Variants in FOXN3 observed in about 807,000 individuals in gnomAD.
The protein encoded by FOXN3 is forkhead box protein N3.
In FOXN3, 7 loss-of-function variants were observed where a neutral mutation model predicts 38.4. The ratio of observed to expected loss-of-function variants is 0.18; its 90% CI spans 0.10 to 0.34. The LOEUF (loss-of-function observed/expected upper bound fraction) is 0.34. Ranked by LOEUF, FOXN3 falls within the 10% of genes least tolerant of loss-of-function variation. The pLI is 1.00. For synonymous variants in FOXN3, 230 were observed against 242.2 expected (o/e 0.95, Z 0.47); for missense variants, 456 against 613.4 (o/e 0.74, Z 2.71).
chr14:89,295,742 C>T (rs573215337), intron 3 of FOXN3, among the ~76,000 whole-genome samples: 55 of 150,902 alleles, frequency 3.6e-4, no homozygotes, highest in South Asian at 2.1e-4. Context: ...TACATGCCAC[C>T]ATGCCTGGCT....
intron 3 of FOXN3, chr14:89,291,613 G>T: frequency 2.0e-6 from 1 of 509,172 alleles, no homozygotes; most frequent in Non-Finnish European, 3.8e-6. Flanking sequence ...GCTGCCCTGG[G>T]GTCCTGTCTT....
At chr14:89,413,350 C>T (rs1295491319) in intron 1 of FOXN3, among the ~76,000 whole-genome samples, 1 of 152,134 alleles carries the variant, frequency 6.6e-6, no homozygotes, top group Admixed American at 6.5e-5. Flanking sequence ...AACAAATGAA[C>T]AGGCTGGGCA....
At chr14:89,521,354 T>TAGATAG (rs1596306375) in intron 1 of FOXN3, among the ~76,000 whole-genome samples, 1 of 92,324 alleles carries the variant, frequency 1.1e-5, no homozygotes, top group East Asian at 2.6e-4. Flanking sequence ...TCATAGATGA[T>TAGATAG]AGATAGAGAG....
intron 1 of FOXN3, among the ~76,000 whole-genome samples, chr14:89,536,386 A>T (rs1894687525): frequency 6.6e-6 from 1 of 152,236 alleles, no homozygotes; most frequent in Non-Finnish European, 1.5e-5. Context: ...AGCTATTTTA[A>T]TAGCATTTCA....
At chr14:89,181,442 G>A (rs762115312) in intron 4 of FOXN3, among the ~76,000 whole-genome samples, 2 of 152,012 alleles carry the variant, frequency 1.3e-5, no homozygotes, top group Non-Finnish European at 2.9e-5. Context: ...ATTATCTCTC[G>A]TAAAAGCCGA....
At chr14:89,535,022 C>T (rs1894655217) in intron 1 of FOXN3, among the ~76,000 whole-genome samples, 1 of 152,068 alleles carries the variant, frequency 6.6e-6, no homozygotes, top group Admixed American at 6.5e-5. Context: ...TTTCTCATTC[C>T]CTTAATATTC....
Position 89,286,459 on chromosome 14 carries a change from T to C in FOXN3, c.681-5445A>G, listed in dbSNP as rs528256144. Among the ~76,000 whole-genome samples the C allele has an allele frequency of 4.0e-4, 61 of 152,192 alleles. 2 individuals carry two copies. The South Asian group carries it at 0.012, about 31-fold the overall frequency. On this transcript the variant is annotated intron_variant, in intron 3 of 5. Transcript: ENST00000557258. Reference sequence around the variant, plus strand: ...TTTAGCACTCATGGAGGCCAGAGCTTACCCACTACTCTTAAGCAACCGAGC... The same window carrying C: ...TTTAGCACTCATGGAGGCCAGAGCTCACCCACTACTCTTAAGCAACCGAGC...
At chr14:89,400,469 T>C (rs1001562797) in intron 2 of FOXN3, among the ~76,000 whole-genome samples, 2 of 152,186 alleles carry the variant, frequency 1.3e-5, no homozygotes, top group Admixed American at 6.5e-5. Context: ...AAATTTAACA[T>C]GGTCAAAAGA....
intron 1 of FOXN3, among the ~76,000 whole-genome samples, chr14:89,490,996 T>C (rs1247214009): frequency 6.6e-6 from 1 of 152,190 alleles, no homozygotes; most frequent in Non-Finnish European, 1.5e-5. Context: ...TTTTTTGAGA[T>C]AGCGTTTCAC....
chr14:89,465,562 A>G (rs1892962320), intron 1 of FOXN3, among the ~76,000 whole-genome samples: 1 of 152,232 alleles, frequency 6.6e-6, no homozygotes, highest in Non-Finnish European at 1.5e-5. Flanking sequence ...GGACTAATAC[A>G]ATCCAGAAGA....
chr14:89,333,992 ATATATATATATAT>A, intron 3 of FOXN3, among the ~76,000 whole-genome samples: 2 of 44,224 alleles, frequency 4.5e-5, no homozygotes, highest in East Asian at 1.4e-3. Flanking sequence ...ATATATATAT[ATATATATATATAT>A]ATATGTATAT....
intron 4 of FOXN3, among the ~76,000 whole-genome samples, chr14:89,234,317 G>C (rs1884914185): frequency 6.6e-6 from 1 of 152,196 alleles, no homozygotes; most frequent in African/African-American, 2.4e-5. Flanking sequence ...CACCATGCTT[G>C]CTTGGAAGCC....
chr14:89,231,815 A>G (rs1884820143), intron 4 of FOXN3, among the ~76,000 whole-genome samples: 1 of 152,126 alleles, frequency 6.6e-6, no homozygotes, highest in Non-Finnish European at 1.5e-5. Context: ...TCCAAGACCA[A>G]GCAGATGGAA....
intron 1 of FOXN3, among the ~76,000 whole-genome samples, chr14:89,424,297 G>C (rs1265932056): frequency 1.3e-5 from 2 of 152,260 alleles, no homozygotes; most frequent in East Asian, 1.9e-4. Flanking sequence ...ATTTCATAAA[G>C]TAAGAGTTTA....
intron 1 of FOXN3, among the ~76,000 whole-genome samples, chr14:89,589,620 A>T (rs1425061095): frequency 6.6e-6 from 1 of 150,940 alleles, no homozygotes; most frequent in African/African-American, 2.4e-5. Flanking sequence ...ATGAATCTGA[A>T]ATGCTGTGAA....
chr14:89,316,636 C>G (rs1411172237), intron 3 of FOXN3, among the ~76,000 whole-genome samples: 1 of 151,154 alleles, frequency 6.6e-6, no homozygotes, highest in Non-Finnish European at 1.5e-5. Flanking sequence ...GCTGGGATTA[C>G]AGGCATGAGC....
chr14:89,415,417 G>C (rs538311682), intron 1 of FOXN3, among the ~76,000 whole-genome samples: 2 of 152,092 alleles, frequency 1.3e-5, no homozygotes, highest in African/African-American at 2.4e-5. Flanking sequence ...AGGAGAAAAA[G>C]TGGCATTGTC....
At chr14:89,516,248 A>G (rs1348035766) in intron 1 of FOXN3, among the ~76,000 whole-genome samples, 2 of 152,162 alleles carry the variant, frequency 1.3e-5, no homozygotes. Context: ...TGAGCTTTAG[A>G]AAAAAATGGG....
At chr14:89,404,049 T>G (rs1483801385) in intron 2 of FOXN3, among the ~76,000 whole-genome samples, 2 of 152,178 alleles carry the variant, frequency 1.3e-5, no homozygotes, top group African/African-American at 4.8e-5. Flanking sequence ...TACATTCAAT[T>G]CTGTATTCTT....
Sources: allele counts gnomAD v4.1 joint callset (sites outside exome capture counted in the v4.1 genomes callset), GRCh38; gene constraint gnomAD v4.1.1; transcripts MANE v1.5; gene names NCBI Gene and HGNC (gene_info 2026-07-23, HGNC 2026-07-21).